RBMS3: variants seen among roughly 807,000 people sequenced by gnomAD.
RBMS3 encodes the protein RNA binding motif single stranded interacting protein 3.
RBMS3 carries 27 observed loss-of-function variants against 66.8 expected under a neutral mutation model. The observed-to-expected ratio is 0.40, with a 90% CI of 0.30 to 0.56. The LOEUF is 0.56. Ranked by LOEUF, RBMS3 falls within the 20% of genes least tolerant of loss-of-function variation. RBMS3 has a pLI of 0.40. For synonymous variants in RBMS3, 188 were observed against 183.0 expected (o/e 1.03, Z -0.22); for missense variants, 513 against 549.5 (o/e 0.93, Z 0.66).
At chr3:29,409,377 G>A (rs529830767) in intron 1 of RBMS3, among the ~76,000 whole-genome samples, 2 of 152,006 alleles carry the variant, frequency 1.3e-5, no homozygotes, top group East Asian at 1.9e-4. Context: ...CTCTCCATGT[G>A]GCCTCCCTCT....
chr3:29,788,174 T>C (rs2056885613), intron 6 of RBMS3, among the ~76,000 whole-genome samples: 1 of 151,614 alleles, frequency 6.6e-6, no homozygotes, highest in Non-Finnish European at 1.5e-5. Context: ...TGTCTTTTTT[T>C]TTCACTTAGC....
intron 10 of RBMS3, among the ~76,000 whole-genome samples, chr3:29,913,917 A>T (rs2060577399): frequency 6.6e-6 from 1 of 151,976 alleles, no homozygotes; most frequent in South Asian, 2.1e-4. Flanking sequence ...ACTCCAAAAT[A>T]ATCTAACTTT....
At chr3:29,977,954 A>G (rs532318381) in intron 12 of RBMS3, among the ~76,000 whole-genome samples, 1 of 152,098 alleles carries the variant, frequency 6.6e-6, no homozygotes, top group Admixed American at 6.6e-5. Context: ...TGTGGTTTCA[A>G]TAAGTAATCT....
chr3:29,893,997 A>G (rs2060063756), intron 8 of RBMS3, among the ~76,000 whole-genome samples: 1 of 151,490 alleles, frequency 6.6e-6, no homozygotes, highest in Non-Finnish European at 1.5e-5. Flanking sequence ...TATACACTCA[A>G]CCCCCTTGGA....
intron 4 of RBMS3, among the ~76,000 whole-genome samples, chr3:29,715,938 G>C (rs2149313573): frequency 6.6e-6 from 1 of 152,106 alleles, no homozygotes; most frequent in Non-Finnish European, 1.5e-5. Flanking sequence ...TTCATGTTTT[G>C]TTCTGCCATA....
intron 1 of RBMS3, among the ~76,000 whole-genome samples, chr3:29,397,511 T>G (rs1274716990): frequency 2.0e-5 from 3 of 152,132 alleles, no homozygotes; most frequent in Admixed American, 2.0e-4. Context: ...ACTCAGCATG[T>G]TCAATATAAT....
chr3:29,518,725 G>C (rs946620891), intron 3 of RBMS3, among the ~76,000 whole-genome samples: 2 of 152,140 alleles, frequency 1.3e-5, no homozygotes, highest in Non-Finnish European at 1.5e-5. Context: ...TTTGCAATTT[G>C]CTGAAGGCAG....
intron 9 of RBMS3, 136 bp from the exon 10 acceptor site, chr3:29,899,569 C>T (rs2060203759): frequency 1.6e-6 from 1 of 638,876 alleles, no homozygotes. Flanking sequence ...CCCTTTTTAC[C>T]CTTGGTTTTG....
chr3:29,418,656 G>A (rs1275065820), intron 1 of RBMS3, among the ~76,000 whole-genome samples: 1 of 152,092 alleles, frequency 6.6e-6, no homozygotes, highest in Admixed American at 6.5e-5. Context: ...TGTATACTTT[G>A]AGAATCTTTG....
At position 29,308,800 on chromosome 3, in the gene RBMS3, C is replaced by CAA. The variant is rs10706270; in HGVS notation, c.75+27058_75+27059dup. On this transcript the variant is annotated intron_variant, in intron 1 of 14. Coordinates refer to ENST00000383767, the MANE Select transcript of RBMS3 (RefSeq NM_001003793.3). ...GTAAAACTGGGAAAGAAAATTTTGT[C>CAA]AAAAAAAAAAAAAAAGAAGAAAGCT... Among the ~76,000 whole-genome samples, 65 of 130,478 alleles carry CAA rather than the reference C, an allele frequency of 5.0e-4. 2 individuals are homozygous for CAA. The highest frequency in any genetic ancestry group is 3.7e-3 in the South Asian group (15 of 4,014). 85.6% of individuals were successfully genotyped at this position (130,478 alleles called of 152,430 possible). A position where few individuals can be genotyped will look rare whatever the true frequency, so the allele number is the denominator to read the frequency against.
At chr3:29,949,672 T>A (rs1430137548) in intron 12 of RBMS3, among the ~76,000 whole-genome samples, 1 of 151,768 alleles carries the variant, frequency 6.6e-6, no homozygotes, top group Non-Finnish European at 1.5e-5. Context: ...AAAACATGTA[T>A]TAGTGTTTTA....
At chr3:29,707,444 C>A (rs1209571906) in intron 4 of RBMS3, among the ~76,000 whole-genome samples, 1 of 152,104 alleles carries the variant, frequency 6.6e-6, no homozygotes, top group East Asian at 1.9e-4. Flanking sequence ...TTTTCCAGAC[C>A]TGTTAATTTT....
intron 1 of RBMS3, among the ~76,000 whole-genome samples, chr3:29,348,713 G>C (rs1326124737): frequency 1.3e-5 from 2 of 152,106 alleles, no homozygotes; most frequent in Non-Finnish European, 2.9e-5. Flanking sequence ...TAAACTCCCT[G>C]AGCTCCAATT....
intron 6 of RBMS3, among the ~76,000 whole-genome samples, chr3:29,765,258 A>G (rs1399033619): frequency 6.6e-6 from 1 of 151,990 alleles, no homozygotes; most frequent in Non-Finnish European, 1.5e-5. Flanking sequence ...GTCTGCCTTT[A>G]TTGGTCCTCA....
chr3:29,493,923 C>A (rs963095264), intron 3 of RBMS3, among the ~76,000 whole-genome samples: 1 of 152,146 alleles, frequency 6.6e-6, no homozygotes, highest in African/African-American at 2.4e-5. Context: ...TCAAGACTGT[C>A]GTCATTAGAG....
intron 4 of RBMS3, among the ~76,000 whole-genome samples, chr3:29,589,328 TC>T (rs1411442473): frequency 2.0e-5 from 3 of 152,194 alleles, no homozygotes; most frequent in African/African-American, 4.8e-5. Context: ...TTTAAAGACC[TC>T]CTAAAACGAT....
At chr3:29,723,472 CTT>C (rs2053730291) in intron 4 of RBMS3, among the ~76,000 whole-genome samples, 1 of 152,128 alleles carries the variant, frequency 6.6e-6, no homozygotes, top group African/African-American at 2.4e-5. Flanking sequence ...TAGATTGTAA[CTT>C]TATCATATGT....
chr3:29,839,860 G>A (rs565009447), intron 6 of RBMS3, among the ~76,000 whole-genome samples: 68 of 151,708 alleles, frequency 4.5e-4, no homozygotes, highest in Non-Finnish European at 8.1e-4. Flanking sequence ...TACTAAACAC[G>A]AAATACAAAA....
At chr3:29,456,403 A>G (rs2042192049) in intron 2 of RBMS3, among the ~76,000 whole-genome samples, 1 of 152,218 alleles carries the variant, frequency 6.6e-6, no homozygotes. Context: ...ACGAGCACAA[A>G]TATCTGCACA....
Sources: allele counts gnomAD v4.1 joint callset (sites outside exome capture counted in the v4.1 genomes callset), GRCh38; gene constraint gnomAD v4.1.1; transcripts MANE v1.5; gene names NCBI Gene and HGNC (gene_info 2026-07-23, HGNC 2026-07-21).